Variants in TTC16 observed in about 807,000 individuals in gnomAD.
TTC16 encodes tetratricopeptide repeat protein 16.
TTC16 carries 66 observed loss-of-function variants against 80.4 expected under a neutral mutation model. That is an observed-to-expected ratio of 0.82 (90% CI 0.67 to 1.01). The LOEUF is 1.01. Among genes scored for constraint, TTC16 ranks in the 50% least tolerant of loss-of-function variants. The pLI, the probability that TTC16 is intolerant of heterozygous loss-of-function variation, is 0.00. For missense variants in TTC16, 1,070 were observed against 1,103.2 expected, an observed-to-expected ratio of 0.97 and a Z score of 0.43; for synonymous variants, 438 against 451.3, an observed-to-expected ratio of 0.97 and a Z score of 0.37.
At position 127,722,888 on chromosome 9, in the gene TTC16, A is replaced by T. The variant is rs1843612917; in HGVS notation, c.658-231A>T. 6.6e-6 allele frequency among the ~76,000 whole-genome samples: 1 copy of T among 151,940 alleles called. No homozygotes were observed. The highest frequency in any genetic ancestry group is 2.4e-5 in the African/African-American group (1 of 41,354). Reference sequence around the variant, plus strand: ...GAGGCTGAGGTGGAAGAATCGCTTGAACCCGGGAGGCAGAGGTTGCAGTGA... The same window carrying T: ...GAGGCTGAGGTGGAAGAATCGCTTGTACCCGGGAGGCAGAGGTTGCAGTGA... On this transcript the variant is annotated intron_variant, in intron 6 of 13. Coordinates refer to ENST00000373289, the MANE Select transcript of TTC16 (RefSeq NM_144965.3). The surrounding 1 kb of genome is among the most constrained non-coding windows in gnomAD (Gnocchi z 4.2).
At chr9:127,724,667 G>T in intron 8 of TTC16, 89 bp from the exon 9 acceptor site, 1 of 1,511,072 alleles carries the variant, frequency 6.6e-7, no homozygotes, top group Admixed American at 2.1e-5. Flanking sequence ...ACCAGTTTCA[G>T]GCCCTGGCCC....
chr9:127,724,861 T>C lies in TTC16; in HGVS notation c.1223T>C (p.Leu408Pro), dbSNP rs529207063. 9 of 1,581,462 alleles carry C rather than the reference T, an allele frequency of 5.7e-6. No individual in the cohort carries two copies. In the East Asian group the frequency reaches 1.6e-4, roughly 28 times the overall value. The change falls in exon 9 of 14, where the codon CTG becomes CCG. Residue 408 changes from leucine to proline, a missense_variant. Coordinates refer to ENST00000373289, the MANE Select transcript of TTC16 (RefSeq NM_144965.3). ...GGCGCCAACACGCGCATGGGCCTGC[T>C]GCAGGAGAAGATGGGCTTCTGCGAG... The part of the protein sequence containing the change: ...DEGANTRMGL[L>P]QEKMGFCEQR...
In TTC16 at chr9:127,730,926, A is replaced by G; in HGVS notation, c.2143A>G (p.Ser715Gly). ...RNSSKTKATQ[S>G]QRRNSSKTRA... Reference sequence around the variant, plus strand: ...CTCCAGCAAGACCAAGGCCACCCAAAGCCAGAGGCGGAACTCCAGCAAGAC... The same window carrying G: ...CTCCAGCAAGACCAAGGCCACCCAAGGCCAGAGGCGGAACTCCAGCAAGAC... The change falls in exon 14 of 14, where the codon AGC becomes GGC. Residue 715 changes from serine (S) to glycine (G), a missense_variant. Ser to Gly is a moderately conservative substitution (Grantham distance 56). Coordinates refer to ENST00000373289, the MANE Select transcript of TTC16 (RefSeq NM_144965.3). The G allele has an allele frequency of 6.2e-7, 1 of 1,612,624 alleles. No homozygotes were observed. Among genetic ancestry groups the G allele is most frequent in the Admixed American group, 1.7e-5 (1 of 59,932 alleles).
chr9:127,727,442 G>T lies in TTC16; in HGVS notation c.1741G>T (p.Glu581Ter). The change falls in exon 12 of 14, where the codon GAA (glutamate) becomes TAA (stop). Residue 581 changes from glutamate (E) to a stop codon, truncating the protein, a stop_gained. Transcript: ENST00000373289. LOFTEE classifies it high-confidence loss of function. Reference protein sequence around the residue: ...GEAEAPEEEEEKEKEKKEEKK... With the variant: ...GEAEAPEEEE ...GGCTGAGGCCCCTGAGGAGGAGGAA[G>T]AAAAGGAGAAGGAGAAAAAAGAGGT... The T allele has an allele frequency of 6.3e-7, 1 of 1,592,572 alleles. No individual in the cohort carries two copies. Among genetic ancestry groups the T allele is most frequent in the Non-Finnish European group, 8.5e-7 (1 of 1,169,848 alleles).
At chr9:127,724,486 G>A in intron 8 of TTC16, 122 bp downstream of exon 8, 2 of 1,343,116 alleles carry the variant, frequency 1.5e-6, no homozygotes, top group Non-Finnish European at 2.0e-6. Context: ...AGGAAGCAAG[G>A]GAAGAGGAAA....
At chr9:127,726,864 AGCCCTGG>A in intron 10 of TTC16, 99 bp from the exon 11 acceptor site, 1 of 1,232,986 alleles carries the variant, frequency 8.1e-7, no homozygotes, top group Non-Finnish European at 1.1e-6. Context: ...TTCCTTCTTC[AGCCCTGG>A]GAAGGGCCAA....
At chr9:127,727,694 T>A in intron 12 of TTC16, 3 of 805,118 alleles carry the variant, frequency 3.7e-6, no homozygotes, top group African/African-American at 1.7e-5. Context: ...GAGAGAGGAG[T>A]CACAGCCCTG....
At position 127,724,955 on chromosome 9, in the gene TTC16, G is replaced by A. The variant is rs1300283930; in HGVS notation, c.1259+58G>A. 2.1e-6 allele frequency: 3 copies of A among 1,438,178 alleles called. No individual in the cohort carries two copies. In the East Asian group the frequency reaches 7.7e-5, roughly 37 times the overall value. The allele number at this position is 1,438,178 out of a possible 1,614,324, so 89.1% of individuals were successfully genotyped here. A position where few individuals can be genotyped will look rare whatever the true frequency, so the allele number is the denominator to read the frequency against. On this transcript the variant is annotated intron_variant, in intron 9 of 13. Coordinates refer to ENST00000373289, the MANE Select transcript of TTC16 (RefSeq NM_144965.3). ...GCAGGCCCGAGGGCAGGGCGGGCAGGAGGCCAACTGCTGGGATCCCTGGGT... is the reference window on the plus strand; with the variant it reads ...GCAGGCCCGAGGGCAGGGCGGGCAGAAGGCCAACTGCTGGGATCCCTGGGT...
chr9:127,720,813 T>TACCCC (rs1843395336), intron 6 of TTC16, among the ~76,000 whole-genome samples: 1 of 45,190 alleles, frequency 2.2e-5, no homozygotes, highest in Non-Finnish European at 4.5e-5. Context: ...CCTCCCTCCT[T>TACCCC]CTTTCTTCCC....
chr9:127,724,400 C>T (rs774756228), intron 8 of TTC16, 36 bp downstream of exon 8: 21 of 953,188 alleles, frequency 2.2e-5, no homozygotes, highest in Non-Finnish European at 2.6e-5. Context: ...AGGGGGGGTG[C>T]GGGGGAGCCT....
intron 12 of TTC16, chr9:127,728,168 C>T (rs1199393798): frequency 2.6e-5 from 4 of 152,254 alleles, no homozygotes; most frequent in South Asian, 4.1e-4. Context: ...TTATCCAGAT[C>T]GAGAAAGAAC....
Position 127,731,376 on chromosome 9 carries a change from C to T in TTC16, c.2593C>T (p.Gln865Ter). Residue 865 changes from glutamine to a stop codon, truncating the protein, a stop_gained, in exon 14 of 14, where the codon CAG (glutamine) becomes TAG (stop). Coordinates refer to ENST00000373289, the MANE Select transcript of TTC16 (RefSeq NM_144965.3). LOFTEE classifies it low-confidence loss of function (END_TRUNC). ...SPSLSKTEVD[Q>*]DLTYYEAV ...AAGTCTCAGCAAAACTGAGGTTGAT[C>T]AGGACCTCACCTACTATGAAGCTGT... The T allele has an allele frequency of 1.2e-6, 2 of 1,612,760 alleles. No individual in the cohort carries two copies. The highest frequency in any genetic ancestry group is 8.5e-7 in the Non-Finnish European group (1 of 1,179,944).
intron 12 of TTC16, chr9:127,727,847 C>A (rs1229839176): frequency 6.1e-6 from 1 of 163,674 alleles, no homozygotes; most frequent in Non-Finnish European, 1.3e-5. Flanking sequence ...GCAACCTCCG[C>A]CTCCTGGGTT....
rs1454796252 is a variant in TTC16, at chr9:127,723,226, C to G, written c.765C>G (p.Arg255=). The G allele has an allele frequency of 3.1e-6, 5 of 1,612,804 alleles. No homozygotes were observed. The African/African-American group carries it at 6.7e-5, about 22-fold the overall frequency. ...TGGTGGCCCAGGCCCAGCAGGCGCG[C>G]CAAGATGCGGGGATCCTGGCTGTGC... ...QKMVAQAQQA[R]QDAGILAVQG... The change falls in exon 7 of 14, where the codon CGC becomes CGG. Residue 255 remains arginine, a synonymous_variant. Transcript: ENST00000373289.
intron 13 of TTC16, chr9:127,729,977 A>G: frequency 3.0e-6 from 1 of 336,924 alleles, no homozygotes; most frequent in Non-Finnish European, 5.6e-6. Context: ...ATAGGGCCCT[A>G]GCCTGGAGGA....
intron 2 of TTC16, 36 bp from the exon 3 acceptor site, chr9:127,717,298 G>A (rs1325320877): frequency 6.3e-7 from 1 of 1,598,046 alleles, no homozygotes; most frequent in East Asian, 2.2e-5. Flanking sequence ...TCCACAGTCA[G>A]GGCCACCCCT....
rs142554141 is a variant in TTC16 at position 127,717,961 on chromosome 9, A to G, written c.426+189A>G. On this transcript the variant is annotated intron_variant, in intron 4 of 13. Coordinates refer to ENST00000373289, the MANE Select transcript of TTC16 (RefSeq NM_144965.3). Reference sequence around the variant, plus strand: ...TGAGTCAAGTTTGGCAGCATTTTCCATTTGGGCTTTCTGCCATAATGACAG... The same window carrying G: ...TGAGTCAAGTTTGGCAGCATTTTCCGTTTGGGCTTTCTGCCATAATGACAG... Among the ~76,000 whole-genome samples the G allele has an allele frequency of 2.8e-3, 433 of 152,140 alleles. 12 individuals carry two copies. The East Asian group carries it at 0.065, about 23-fold the overall frequency.
rs376973313 is a variant in TTC16 at position 127,717,893 on chromosome 9, C to G, written c.426+121C>G. On this transcript the variant is annotated intron_variant, in intron 4 of 13. Transcript: ENST00000373289. The stretch of plus-strand genomic sequence containing the variant: ...TCCTTGTCCCTGTGTCTGGGTCCCC[C>G]CCGCTGCCCCTCTCACCTCCAAGGC... The G allele has an allele frequency of 3.1e-4, 396 of 1,282,690 alleles. 4 individuals carry two copies. The Admixed American group carries it at 5.8e-3, about 19-fold the overall frequency. The allele number at this position is 1,282,690 out of a possible 1,614,324, so 79.5% of individuals were successfully genotyped here. A position where few individuals can be genotyped will look rare whatever the true frequency, so the allele number is the denominator to read the frequency against.
In TTC16 at chr9:127,724,144, G is replaced by A; in HGVS notation, c.897G>A (p.Gln299=). ...GGGGCACCATGTACCGACGGCTCCA[G>A]GAGTTCGATGGGGCAGTGGAGGACT... The part of the protein sequence containing the change: ...LFRGTMYRRL[Q]EFDGAVEDFL... Residue 299 remains glutamine (Q), a synonymous_variant, in exon 8 of 14, where the codon CAG becomes CAA. Coordinates refer to ENST00000373289, the MANE Select transcript of TTC16 (RefSeq NM_144965.3). 1 of 1,612,740 alleles carries A rather than the reference G, an allele frequency of 6.2e-7. No individual in the cohort carries two copies. Among genetic ancestry groups the A allele is most frequent in the Non-Finnish European group, 8.5e-7 (1 of 1,179,768 alleles).
Sources: gnomAD v4.1 joint callset for allele counts (sites outside exome capture counted in the v4.1 genomes callset) on GRCh38, gnomAD v4.1.1 for gene constraint, Gnocchi (gnomAD v3.1) non-coding constraint, MANE v1.5 for transcripts, NCBI Gene and HGNC (gene_info 2026-07-23, HGNC 2026-07-21) for gene names.